Variants in NPHP3 observed in about 807,000 individuals in gnomAD.
The protein encoded by NPHP3 is nephrocystin-3.
Under a neutral mutation model 171.9 loss-of-function variants are expected in NPHP3, and 123 were observed. The observed-to-expected ratio is 0.72, with a 90% confidence interval of 0.62 to 0.83. The LOEUF (loss-of-function observed/expected upper bound fraction) is 0.83, where lower values mean the gene tolerates loss of function less well. Among genes scored for constraint, NPHP3 ranks in the 40% least tolerant of loss-of-function variants. NPHP3 has a pLI of 0.00. For missense variants in NPHP3, 1,506 were observed against 1,591.9 expected (o/e 0.95, Z 0.92); for synonymous variants, 558 against 579.2 (o/e 0.96, Z 0.52).
chr3:132,690,815 A>G (rs1349488670), intron 18 of NPHP3, among the ~76,000 whole-genome samples, 165 bp from the exon 19 acceptor site: 3 of 152,198 alleles, frequency 2.0e-5, no homozygotes, highest in Non-Finnish European at 4.4e-5. Flanking sequence ...GACTTTACCA[A>G]TCTAAGAAAA....
At chr3:132,719,169 T>G (rs753846349) in intron 2 of NPHP3, 25 bp from the exon 3 acceptor site, 9 of 1,561,258 alleles carry the variant, frequency 5.8e-6, no homozygotes, top group African/African-American at 5.5e-5. Context: ...ATTTTAATGT[T>G]GAAAGCTTTT....
chr3:132,684,910 A>C, intron 23 of NPHP3, 116 bp from the exon 24 acceptor site: 1 of 1,276,400 alleles, frequency 7.8e-7, no homozygotes, highest in South Asian at 1.2e-5. Context: ...AGTTAAAATA[A>C]GAGATTCAGC....
chr3:132,691,365 A>G, intron 17 of NPHP3, 79 bp from the exon 18 acceptor site: 1 of 928,476 alleles, frequency 1.1e-6, no homozygotes. Flanking sequence ...GCAAAAAAGA[A>G]TTTATAATTA....
chr3:132,701,684 A>G (rs1939609977), intron 9 of NPHP3, 151 bp from the exon 10 acceptor site: 1 of 635,114 alleles, frequency 1.6e-6, no homozygotes, highest in Non-Finnish European at 2.8e-6. Flanking sequence ...ATAATTGCCT[A>G]CTTTTATGGC....
At position 132,686,041 on chromosome 3, in the gene NPHP3, T is replaced by C. The variant is rs188979571; in HGVS notation, c.3329+219A>G. ...TCCAGCCTGGGCAACAGAGCGAGAC[T>C]CCGTCTCAAAAAAAAAAAAAAGAGT... On this transcript the variant is annotated intron_variant, in intron 23 of 26. Transcript: ENST00000337331. The C allele has an allele frequency of 4.9e-4, 221 of 455,416 alleles. 1 individual carries two copies. The highest frequency in any genetic ancestry group is 3.6e-3 in the African/African-American group (172 of 47,978). The allele number at this position is 455,416 out of a possible 1,614,324, so 28.2% of individuals were successfully genotyped here. A position where few individuals can be genotyped will look rare whatever the true frequency, so the allele number is the denominator to read the frequency against.
intron 15 of NPHP3, among the ~76,000 whole-genome samples, chr3:132,696,060 T>C (rs1172094928): frequency 1.3e-5 from 2 of 152,038 alleles, no homozygotes; most frequent in Non-Finnish European, 2.9e-5. Flanking sequence ...ATTCGGTGTC[T>C]GGAAATATGT....
Position 132,696,813 on chromosome 3 carries a change from C to A in NPHP3, c.2089G>T (p.Glu697Ter). The A allele has an allele frequency of 6.2e-7, 1 of 1,613,218 alleles. No homozygotes were observed. Among genetic ancestry groups the A allele is most frequent in the Non-Finnish European group, 8.5e-7 (1 of 1,179,344 alleles). The change falls in exon 15 of 27, where the codon GAG (glutamate) becomes TAG (stop). Residue 697 changes from glutamate to a stop codon, truncating the protein, a stop_gained and splice_region_variant. Coordinates refer to ENST00000337331, the MANE Select transcript of NPHP3 (RefSeq NM_153240.5). LOFTEE classifies it high-confidence loss of function. ...CGACAGTGTCGTTCTAGCTTCTTCT[C>A]CTGCACCAGTTTACCAAGAAAAACA... ...SVDIKLSKEQ[E>*]KKLERHCRSA...
intron 10 of NPHP3, 34 bp downstream of exon 10, chr3:132,701,396 A>G (rs1939601897): frequency 5.7e-6 from 8 of 1,407,974 alleles, no homozygotes; most frequent in Admixed American, 3.4e-5. Flanking sequence ...AATTCAAACA[A>G]TGACAACAAT....
Position 132,681,908 on chromosome 3 carries a change from T to C in NPHP3, c.*2A>G. 6.2e-7 allele frequency: 1 copy of C among 1,612,750 alleles called. No individual in the cohort carries two copies. The highest frequency in any genetic ancestry group is 8.5e-7 in the Non-Finnish European group (1 of 1,178,710). On this transcript the variant is annotated 3_prime_UTR_variant, in exon 27 of 27. Transcript: ENST00000337331. Reference sequence around the variant, plus strand: ...ATTTGCAAAGAATTCTAACTGCTGCTATTACCTTTGTCCTTGCTGAAGGAA... The same window carrying C: ...ATTTGCAAAGAATTCTAACTGCTGCCATTACCTTTGTCCTTGCTGAAGGAA...
chr3:132,708,144 A>G lies in NPHP3; in HGVS notation c.1232T>C (p.Leu411Ser). 1 of 1,614,216 alleles carries G rather than the reference A, an allele frequency of 6.2e-7. No individual in the cohort carries two copies. The highest frequency in any genetic ancestry group is 8.5e-7 in the Non-Finnish European group (1 of 1,180,026). The change falls in exon 7 of 27, where the codon TTG becomes TCG. Residue 411 changes from leucine to serine, a missense_variant. Physicochemically the swap from Leu to Ser is moderately radical, Grantham distance 145. Around this residue, in one of 3 missense-constraint regions of NPHP3, gnomAD observed 930 missense variants for 924.9 expected, o/e 1.01. Coordinates refer to ENST00000337331, the MANE Select transcript of NPHP3 (RefSeq NM_153240.5). Reference protein sequence around the residue: ...GKVSSDSVQQLIDQVSNLNKT... With the variant: ...GKVSSDSVQQSIDQVSNLNKT... ...GTTTAGATTAGAAACTTGATCAATC[A>G]ATTGCTGGACAGAGTCAGAACTGAC... is the stretch of plus-strand genomic sequence containing the variant.
chr3:132,716,770 T>G lies in NPHP3; in HGVS notation c.810A>C (p.Ala270=). 1 of 1,614,136 alleles carries G rather than the reference T, an allele frequency of 6.2e-7. No individual in the cohort carries two copies. The change falls in exon 4 of 27, where the codon GCA becomes GCC. Residue 270 remains alanine, a synonymous_variant. Transcript: ENST00000337331. ...AGCATGTATTACCTCTATTAACATT[T>G]GCAAAGGGTCCTTCCACATCTATAG... is the stretch of plus-strand genomic sequence containing the variant. ...HSSIDVEGPF[A]NVNRDDWDIA...
chr3:132,700,435 G>A lies in NPHP3; in HGVS notation c.1642C>T (p.Gln548Ter). 1 of 1,602,314 alleles carries A rather than the reference G, an allele frequency of 6.2e-7. No homozygotes were observed. Among genetic ancestry groups the A allele is most frequent in the Non-Finnish European group, 8.5e-7 (1 of 1,171,942 alleles). Residue 548 changes from glutamine to a stop codon, truncating the protein, a stop_gained, in exon 11 of 27, where the codon CAG becomes TAG. Coordinates refer to ENST00000337331, the MANE Select transcript of NPHP3 (RefSeq NM_153240.5). LOFTEE classifies it high-confidence loss of function. ...ATCAGTGTGTTGGGGGAATTCTTCT[G>A]TTGTAATTGAATCCTGAAAGAAAAA... is the stretch of plus-strand genomic sequence containing the variant. The part of the protein sequence containing the change: ...LLLSKWIQLQ[Q>*]KNSPNTLILS...
intron 14 of NPHP3, 38 bp downstream of exon 14, chr3:132,697,222 A>G: frequency 7.8e-7 from 1 of 1,281,668 alleles, no homozygotes; most frequent in Non-Finnish European, 1.1e-6. Flanking sequence ...AGGAAAGATG[A>G]GAGAGTAAAA....
In NPHP3 at chr3:132,683,424, T is replaced by G; in HGVS notation, c.3671A>C (p.Asn1224Thr). 1 of 1,613,246 alleles carries G rather than the reference T, an allele frequency of 6.2e-7. No homozygotes were observed. Among genetic ancestry groups the G allele is most frequent in the Admixed American group, 1.7e-5 (1 of 60,016 alleles). ...CATTTGGCTATAAAGAACAGCTAAG[T>G]TCACCAAGGCAGTAGCTACACTAGG... ...KHPSVATALVNLAVLYSQMKK... is the reference protein window; with the variant it reads ...KHPSVATALVTLAVLYSQMKK... Residue 1224 changes from asparagine (N) to threonine (T), a missense_variant, in exon 25 of 27, where the codon AAC (asparagine) becomes ACC (threonine). Asn to Thr is a moderately conservative substitution (Grantham distance 65, BLOSUM62 0). Coordinates refer to ENST00000337331, the MANE Select transcript of NPHP3 (RefSeq NM_153240.5).
chr3:132,687,020 G>A (rs1939180016), intron 22 of NPHP3, 131 bp downstream of exon 22: 1 of 595,702 alleles, frequency 1.7e-6, no homozygotes, highest in Non-Finnish European at 3.0e-6. Flanking sequence ...ATAAGAAAAT[G>A]TTAAGTAGTT....
At chr3:132,715,270 T>A in intron 4 of NPHP3, 52 bp from the exon 5 acceptor site, 1 of 1,546,548 alleles carries the variant, frequency 6.5e-7, no homozygotes, top group Non-Finnish European at 8.9e-7. Context: ...ACACATTTGA[T>A]CATTCTAAAA....
chr3:132,707,147 G>A (rs1939776229), intron 7 of NPHP3, among the ~76,000 whole-genome samples: 1 of 152,128 alleles, frequency 6.6e-6, no homozygotes, highest in African/African-American at 2.4e-5. Flanking sequence ...CCTGTAATAT[G>A]TATTCTAAAA....
Position 132,692,764 on chromosome 3 carries a change from C to G in NPHP3, c.2365G>C (p.Glu789Gln), listed in dbSNP as rs1388916106. ...GTCCAGGACATCTCAGGATAGAGTT[C>G]CATCAGTTCTGATTCACTCACACCA... is the stretch of plus-strand genomic sequence containing the variant. ...HNGVSESELM[E>Q]LYPEMSWTFL... is the part of the protein sequence containing the mutation. The change falls in exon 17 of 27, where the codon GAA (glutamate) becomes CAA (glutamine). Residue 789 changes from glutamate to glutamine, a missense_variant. Physicochemically the swap from Glu to Gln is conservative, Grantham distance 29. Coordinates refer to ENST00000337331, the MANE Select transcript of NPHP3 (RefSeq NM_153240.5). 5 of 1,613,772 alleles carry G rather than the reference C, an allele frequency of 3.1e-6. No homozygotes were observed. The South Asian group carries it at 5.5e-5, about 18-fold the overall frequency.
In NPHP3 at chr3:132,685,089, T is replaced by TA. The variant is rs1939122170; in HGVS notation, c.3330-296dup. ...TTTATACTTTAAAAATTATTAGACC[T>TA]AGGTCCAATAAAAGATTTTTGTATT... On this transcript the variant is annotated intron_variant, in intron 23 of 26. Transcript: ENST00000337331. 1.5e-5 allele frequency: 5 copies of TA among 331,586 alleles called. No homozygotes were observed. In the Admixed American group the frequency reaches 2.1e-4, roughly 14 times the overall value. 20.5% of individuals were successfully genotyped at this position (331,586 alleles called of 1,614,324 possible). A position where few individuals can be genotyped will look rare whatever the true frequency, so the allele number is the denominator to read the frequency against.
Sources: gnomAD v4.1 joint callset for allele counts (sites outside exome capture counted in the v4.1 genomes callset) on GRCh38, gnomAD v4.1.1 for gene constraint, gnomAD v4.1.1 regional missense constraint, MANE v1.5 for transcripts, NCBI Gene and HGNC (gene_info 2026-07-23, HGNC 2026-07-21) for gene names.